The following BRAF variants were observed in gnomAD, a reference collection of about 807,000 sequenced individuals.
BRAF encodes the protein B-Raf proto-oncogene, serine/threonine kinase.
BRAF carries 16 observed loss-of-function variants against 104.6 expected under a neutral mutation model. The observed-to-expected ratio is 0.15, with a 90% CI of 0.10 to 0.23. The LOEUF is 0.23. Ranked by LOEUF, BRAF falls within the 10% of genes least tolerant of loss-of-function variation. The pLI, the probability that BRAF is intolerant of heterozygous loss-of-function variation, is 1.00. For synonymous variants in BRAF, 310 were observed against 341.6 expected (o/e 0.91, Z 1.02); for missense variants, 541 against 937.3 (o/e 0.58, Z 5.52).
At chr7:140,877,995 GAGTA>G (rs1247151805) in intron 1 of BRAF, among the ~76,000 whole-genome samples, 6 of 152,104 alleles carry the variant, frequency 3.9e-5, no homozygotes, top group South Asian at 2.1e-4. Context: ...AACAGAAAAG[GAGTA>G]AGTAATTTCC....
chr7:140,855,740 C>T (rs567728003), intron 1 of BRAF, among the ~76,000 whole-genome samples: 96 of 151,978 alleles, frequency 6.3e-4, no homozygotes, highest in Non-Finnish European at 1.1e-3. Context: ...AAAAAATAGG[C>T]CACGTACAAT....
rs1024439218 is a variant in BRAF at position 140,749,612 on chromosome 7, G to A, written c.1981-194C>T. On this transcript the variant is annotated intron_variant, in intron 16 of 19. Coordinates refer to ENST00000644969, the MANE Select transcript of BRAF (RefSeq NM_001374258.1). ...ACCTCTACATACTCAGAAAGAGACA[G>A]TATTAGCAGAGATTTTGTATTGTAT... Among the ~76,000 whole-genome samples, 24 of 152,174 alleles carry A rather than the reference G, an allele frequency of 1.6e-4. 1 individual carries two copies. The highest frequency in any genetic ancestry group is 1.3e-3 in the Admixed American group (20 of 15,274).
intron 14 of BRAF, among the ~76,000 whole-genome samples, chr7:140,765,808 T>G (rs1048575752): frequency 2.6e-5 from 4 of 151,882 alleles, no homozygotes; most frequent in Non-Finnish European, 5.9e-5. Context: ...CAACAGGTGC[T>G]GGAGAGGATA....
At chr7:140,730,108 T>G (rs1022613646) in intron 19 of BRAF, among the ~76,000 whole-genome samples, 2 of 152,084 alleles carry the variant, frequency 1.3e-5, no homozygotes, top group African/African-American at 4.8e-5. Context: ...GAGTAACAGG[T>G]GATGAATCTG....
chr7:140,793,791 A>T (rs1035102198), intron 8 of BRAF, among the ~76,000 whole-genome samples: 3 of 152,024 alleles, frequency 2.0e-5, no homozygotes, highest in Non-Finnish European at 2.9e-5. Flanking sequence ...ATGCATGGCT[A>T]ATTTGTTTTA....
intron 1 of BRAF, among the ~76,000 whole-genome samples, chr7:140,890,880 C>A (rs1236376919): frequency 1.3e-5 from 2 of 152,260 alleles, no homozygotes; most frequent in South Asian, 2.1e-4. Flanking sequence ...CACAATTGCA[C>A]AAGATTATTA....
chr7:140,743,690 T>C (rs1797117864), intron 17 of BRAF, among the ~76,000 whole-genome samples: 1 of 151,788 alleles, frequency 6.6e-6, no homozygotes. Context: ...AACCTGCACA[T>C]TGTGTACATG....
Position 140,720,344 on chromosome 7 carries a change from A to C in BRAF, c.*6150T>G. 9.4e-7 allele frequency: 1 copy of C among 1,062,680 alleles called. No homozygotes were observed. The highest frequency in any genetic ancestry group is 1.1e-6 in the Non-Finnish European group (1 of 877,704). The allele number at this position is 1,062,680 out of a possible 1,614,324, so 65.8% of individuals were successfully genotyped here. A position where few individuals can be genotyped will look rare whatever the true frequency, so the allele number is the denominator to read the frequency against. ...ACGGAGGACCCATGGATGCATTTTA[A>C]AATGAAGGCAGGAGAAGGGGACAGC... On this transcript the variant is annotated 3_prime_UTR_variant, in exon 20 of 20. Transcript: ENST00000644969.
intron 3 of BRAF, among the ~76,000 whole-genome samples, chr7:140,825,185 G>A (rs900890128): frequency 6.6e-6 from 1 of 151,830 alleles, no homozygotes; most frequent in African/African-American, 2.4e-5. Flanking sequence ...GGCCAGGCTG[G>A]TCTTGAACTC....
intron 3 of BRAF, chr7:140,824,490 C>T (rs1054230119): frequency 6.6e-6 from 1 of 152,132 alleles, no homozygotes; most frequent in African/African-American, 2.4e-5. Flanking sequence ...TCTCATCTGT[C>T]TGCATGCCAG....
Position 140,725,790 on chromosome 7 carries a change from G to C in BRAF, c.*704C>G. ...CAGCACTATCTAGCCTGCTTGGTTA[G>C]ACAGACCCCTCAGTGAGCAAGGAAA... On this transcript the variant is annotated 3_prime_UTR_variant, in exon 20 of 20. Coordinates refer to ENST00000644969, the MANE Select transcript of BRAF (RefSeq NM_001374258.1). The C allele has an allele frequency of 1.9e-6, 2 of 1,063,102 alleles. No individual in the cohort carries two copies. Among genetic ancestry groups the C allele is most frequent in the Non-Finnish European group, 2.3e-6 (2 of 877,978 alleles). The allele number at this position is 1,063,102 out of a possible 1,614,324, so 65.9% of individuals were successfully genotyped here. A position where few individuals can be genotyped will look rare whatever the true frequency, so the allele number is the denominator to read the frequency against.
chr7:140,877,321 C>T (rs893338765), intron 1 of BRAF, among the ~76,000 whole-genome samples: 9 of 144,028 alleles, frequency 6.2e-5, no homozygotes, highest in Admixed American at 2.8e-4. Context: ...TTGCATGTTG[C>T]GCAATCTAGT....
chr7:140,915,717 T>A (rs1817552901), intron 1 of BRAF, among the ~76,000 whole-genome samples: 1 of 151,830 alleles, frequency 6.6e-6, no homozygotes. Context: ...ATTACAGGCA[T>A]GAGCCACCGT....
At chr7:140,873,921 G>C (rs1466550269) in intron 1 of BRAF, among the ~76,000 whole-genome samples, 1 of 152,120 alleles carries the variant, frequency 6.6e-6, no homozygotes, top group African/African-American at 2.4e-5. Flanking sequence ...CAAATCTTTA[G>C]CTTGACATTA....
At chr7:140,736,560 T>C (rs1347325681) in intron 18 of BRAF, among the ~76,000 whole-genome samples, 1 of 151,870 alleles carries the variant, frequency 6.6e-6, no homozygotes, top group African/African-American at 2.4e-5. Context: ...CCCGAGTAGC[T>C]GGGATTACAG....
rs531521013 is a variant in BRAF, at chr7:140,910,217, CATT to C, written c.138+14346_138+14348del. ...ACAATTTGCTCAACTATAATCAGCTCATTGTTTCTTAACCAAAACTAACATATG... is the reference window on the plus strand; with the variant it reads ...ACAATTTGCTCAACTATAATCAGCTCGTTTCTTAACCAAAACTAACATATG... On this transcript the variant is annotated intron_variant, in intron 1 of 19. Coordinates refer to ENST00000644969, the MANE Select transcript of BRAF (RefSeq NM_001374258.1). Among the ~76,000 whole-genome samples the C allele has an allele frequency of 5.8e-4, 89 of 152,326 alleles. 3 individuals carry two copies. In the South Asian group the frequency reaches 0.018, roughly 31 times the overall value.
intron 1 of BRAF, among the ~76,000 whole-genome samples, chr7:140,883,824 G>C (rs1813214880): frequency 6.6e-6 from 1 of 152,158 alleles, no homozygotes; most frequent in South Asian, 2.1e-4. Context: ...TTATGAATCA[G>C]GTCACATACA....
chr7:140,909,904 CT>C (rs796335591), intron 1 of BRAF, among the ~76,000 whole-genome samples: 91 of 146,370 alleles, frequency 6.2e-4, no homozygotes, highest in Non-Finnish European at 6.4e-4. Context: ...ATTATGATCA[CT>C]TTTTTTTTTT....
At chr7:140,820,653 C>G (rs1168308785) in intron 3 of BRAF, among the ~76,000 whole-genome samples, 3 of 152,134 alleles carry the variant, frequency 2.0e-5, no homozygotes, top group Admixed American at 2.0e-4. Context: ...TCAAATATAT[C>G]TCAGGGCCAG....
Sources: gnomAD v4.1 joint callset for allele counts (sites outside exome capture counted in the v4.1 genomes callset) on GRCh38, gnomAD v4.1.1 for gene constraint, MANE v1.5 for transcripts, NCBI Gene and HGNC (gene_info 2026-07-23, HGNC 2026-07-21) for gene names.